The following SNX8 variants were observed in gnomAD, a reference collection of about 807,000 sequenced individuals.
SNX8 encodes sorting nexin 8, also known as sorting nexin-8.
A neutral mutation model predicts 51.6 loss-of-function variants in SNX8; 25 were observed. The ratio of observed to expected loss-of-function variants is 0.48; its 90% CI spans 0.35 to 0.68. The LOEUF (loss-of-function observed/expected upper bound fraction) is 0.68. Ranked by LOEUF, SNX8 falls within the 30% of genes least tolerant of loss-of-function variation. The probability of loss-of-function intolerance (pLI) is 0.00; values close to 1 mark genes in which losing one functional copy is unlikely to be tolerated. For missense variants in SNX8, 695 were observed against 624.0 expected, an observed-to-expected ratio of 1.11 and a Z score of -1.21; for synonymous variants, 324 against 277.0, an observed-to-expected ratio of 1.17 and a Z score of -1.68.
Position 2,271,865 on chromosome 7 carries a change from C to A in SNX8, c.525G>T (p.Leu175=). 2 of 1,611,148 alleles carry A rather than the reference C, an allele frequency of 1.2e-6. No individual in the cohort carries two copies. Among genetic ancestry groups the A allele is most frequent in the Non-Finnish European group, 1.7e-6 (2 of 1,178,892 alleles). ...FSEDVVLKLF[L]SFSGSDVQNK... ...ACACACTCACCGAGCCGCTGAAGGACAGGAAGAGCTTGAGGACCACATCCT... is the reference window on the plus strand; with the variant it reads ...ACACACTCACCGAGCCGCTGAAGGAAAGGAAGAGCTTGAGGACCACATCCT... Residue 175 remains leucine (L), a synonymous_variant, in exon 4 of 11, where the codon CTG becomes CTT. Coordinates refer to ENST00000222990, the MANE Select transcript of SNX8 (RefSeq NM_013321.4).
At chr7:2,318,015 G>C (rs748771590), upstream of SNX8, among the ~76,000 whole-genome samples, 3 of 152,030 alleles carry the variant, frequency 2.0e-5, no homozygotes, top group Non-Finnish European at 4.4e-5. Context: ...CTTTCCCTGT[G>C]CCACGCACAC....
chr7:2,350,507 T>C (rs1232741765), intron 1 of SNX8, among the ~76,000 whole-genome samples: 1 of 152,156 alleles, frequency 6.6e-6, no homozygotes, highest in Non-Finnish European at 1.5e-5. Flanking sequence ...TGAGGGAAAT[T>C]AAAGCTTACC....
chr7:2,281,101 A>G (rs34228260), intron 1 of SNX8, among the ~76,000 whole-genome samples: 2,208 of 152,110 alleles, frequency 0.015, 28 homozygotes, highest in Non-Finnish European at 0.025. Context: ...CCAGATGCCC[A>G]TATTTGCAAA....
chr7:2,327,537 C>A (rs554143054), intron 1 of SNX8, among the ~76,000 whole-genome samples: 2 of 151,992 alleles, frequency 1.3e-5, no homozygotes. Context: ...CCTCCAGAGT[C>A]GCTGGGACTA....
At chr7:2,267,414 A>G (rs1036857858) in intron 5 of SNX8, among the ~76,000 whole-genome samples, 1 of 127,880 alleles carries the variant, frequency 7.8e-6, no homozygotes, top group Non-Finnish European at 1.7e-5. Context: ...GCTCACTGCA[A>G]CCTCCCTGCC....
chr7:2,265,756 T>G (rs563627787), intron 5 of SNX8, among the ~76,000 whole-genome samples: 97 of 152,342 alleles, frequency 6.4e-4, no homozygotes, highest in African/African-American at 2.2e-3. Flanking sequence ...CAAAGACTTT[T>G]TATAAGATTT....
chr7:2,312,661 G>T (rs1796680049), intron 1 of SNX8, among the ~76,000 whole-genome samples: 1 of 152,080 alleles, frequency 6.6e-6, no homozygotes, highest in Non-Finnish European at 1.5e-5. Flanking sequence ...CGCCGACGAA[G>T]AAACTGTCTA....
chr7:2,325,220 A>G (rs1778601395), intron 1 of SNX8, among the ~76,000 whole-genome samples: 1 of 152,142 alleles, frequency 6.6e-6, no homozygotes, highest in African/African-American at 2.4e-5. Flanking sequence ...AGCTCACTGC[A>G]GCATTAATCT....
At chr7:2,293,870 G>T (rs1796212105) in intron 1 of SNX8, among the ~76,000 whole-genome samples, 1 of 151,816 alleles carries the variant, frequency 6.6e-6, no homozygotes, top group Non-Finnish European at 1.5e-5. Flanking sequence ...GGCTGAGGCA[G>T]AACTGCTTGA....
At chr7:2,319,492 A>C (rs2115222877) in intron 1 of SNX8, among the ~76,000 whole-genome samples, 1 of 150,696 alleles carries the variant, frequency 6.6e-6, no homozygotes. Flanking sequence ...CAACATGGTA[A>C]AACCCCATCT....
chr7:2,347,902 C>CCA (rs35278071), intron 1 of SNX8, among the ~76,000 whole-genome samples: 104,113 of 151,600 alleles, frequency 0.69, 36,441 homozygotes, highest in East Asian at 0.83. Context: ...CTTCGGCCTC[C>CCA]CAGTGTTGAG....
At chr7:2,312,959 G>C (rs62442539) in intron 1 of SNX8, among the ~76,000 whole-genome samples, 41,652 of 151,822 alleles carry the variant, frequency 0.27, 5,845 homozygotes, top group Middle Eastern at 0.46. Flanking sequence ...GTGCAGTGGC[G>C]CTATCTCGGC....
rs145543350 is a variant in SNX8 at position 2,297,550 on chromosome 7, CAA to C, written c.94+16776_94+16777del. ...GGGCAACAGGAGCAAAACCCCGCCG[CAA>C]AAAAAAAAAAAAAAAAAAAAAAAAA... On this transcript the variant is annotated intron_variant, in intron 1 of 10. Coordinates refer to ENST00000222990, the MANE Select transcript of SNX8 (RefSeq NM_013321.4). 7.5e-3 allele frequency among the ~76,000 whole-genome samples: 302 copies of C among 40,254 alleles called. 7 individuals carry two copies. In the Admixed American group the frequency reaches 0.076, roughly 10 times the overall value. 26.4% of individuals were successfully genotyped at this position (40,254 alleles called of 152,430 possible). A position where few individuals can be genotyped will look rare whatever the true frequency, so the allele number is the denominator to read the frequency against.
intron 1 of SNX8, among the ~76,000 whole-genome samples, chr7:2,293,890 C>T (rs1280839323): frequency 6.6e-6 from 1 of 150,996 alleles, no homozygotes; most frequent in East Asian, 1.9e-4. Flanking sequence ...AACTGGTACC[C>T]GGGAGGGGGA....
intron 1 of SNX8, among the ~76,000 whole-genome samples, chr7:2,312,928 C>G (rs1796686099): frequency 6.6e-6 from 1 of 152,080 alleles, no homozygotes. Flanking sequence ...GGCGGAGTCT[C>G]GCTCTGTCGC....
In SNX8 at chr7:2,272,011, G is replaced by T. The variant is rs774540368; in HGVS notation, c.419-40C>A. ...GGGGTCACTGGACAGAGTCCAGGGCGCCGGCCCCCATCTTCTGCTCTGGGC... is the reference window on the plus strand; with the variant it reads ...GGGGTCACTGGACAGAGTCCAGGGCTCCGGCCCCCATCTTCTGCTCTGGGC... On this transcript the variant is annotated intron_variant, in intron 3 of 10. Transcript: ENST00000222990. The T allele has an allele frequency of 3.5e-5, 57 of 1,608,818 alleles. No homozygotes were observed. In the South Asian group the frequency reaches 6.2e-4, roughly 17 times the overall value.
At chr7:2,315,150 C>T (rs1796733585), upstream of SNX8, among the ~76,000 whole-genome samples, 1 of 149,812 alleles carries the variant, frequency 6.7e-6, no homozygotes, top group African/African-American at 2.5e-5. Context: ...TCACTCACTG[C>T]ATCCTGCATT....
At chr7:2,339,719 A>C (rs985633069) in intron 1 of SNX8, among the ~76,000 whole-genome samples, 8 of 152,152 alleles carry the variant, frequency 5.3e-5, no homozygotes, top group African/African-American at 1.7e-4. Context: ...TGAAGAAGAA[A>C]GATAAGGAGA....
At chr7:2,268,000 C>G (rs1330892377) in intron 5 of SNX8, among the ~76,000 whole-genome samples, 3 of 146,154 alleles carry the variant, frequency 2.1e-5, no homozygotes, top group Admixed American at 6.8e-5. Context: ...TCTGCCCGGC[C>G]GAGACCCCGT....
Sources: gnomAD v4.1 joint callset for allele counts (sites outside exome capture counted in the v4.1 genomes callset) on GRCh38, gnomAD v4.1.1 for gene constraint, MANE v1.5 for transcripts, NCBI Gene and HGNC (gene_info 2026-07-23, HGNC 2026-07-21) for gene names.